The following EIF3H variants were observed in gnomAD, a reference collection of about 807,000 sequenced individuals.
The protein encoded by EIF3H is eIF-3-gamma.
In EIF3H, 26 loss-of-function variants were observed where a neutral mutation model predicts 44.2. The ratio of observed to expected loss-of-function variants is 0.59; its 90% CI spans 0.43 to 0.82. The LOEUF (loss-of-function observed/expected upper bound fraction) is 0.82. EIF3H is among the 40% of genes least tolerant of loss of function. The probability of loss-of-function intolerance (pLI) is 0.00; values close to 1 mark genes in which losing one functional copy is unlikely to be tolerated. For missense variants in EIF3H, 359 were observed against 432.8 expected (o/e 0.83, Z 1.51); for synonymous variants, 166 against 151.9 (o/e 1.09, Z -0.68).
At chr8:116,694,967 T>A (rs1417612310) in intron 2 of EIF3H, among the ~76,000 whole-genome samples, 1 of 152,104 alleles carries the variant, frequency 6.6e-6, no homozygotes, top group East Asian at 1.9e-4. Flanking sequence ...TTCCTCTGTT[T>A]ATCCCATGGT....
At chr8:116,699,444 A>G (rs1388280734) in intron 2 of EIF3H, among the ~76,000 whole-genome samples, 1 of 152,204 alleles carries the variant, frequency 6.6e-6, no homozygotes, top group Non-Finnish European at 1.5e-5. Flanking sequence ...AAATTAACCT[A>G]GGGACAGAAA....
At chr8:116,674,179 C>T (rs1813806656) in intron 2 of EIF3H, among the ~76,000 whole-genome samples, 1 of 146,878 alleles carries the variant, frequency 6.8e-6, no homozygotes, top group Non-Finnish European at 1.5e-5. Flanking sequence ...AAGTATAATA[C>T]ATTATTTCAT....
chr8:116,657,463 C>T, intron 3 of EIF3H, 149 bp from the exon 4 acceptor site: 1 of 626,854 alleles, frequency 1.6e-6, no homozygotes, highest in South Asian at 2.0e-5. Context: ...TTGAAGCAGA[C>T]TCAAAGCACT....
chr8:116,654,617 C>G (rs1463676611), intron 5 of EIF3H, among the ~76,000 whole-genome samples: 4 of 152,114 alleles, frequency 2.6e-5, no homozygotes, highest in Admixed American at 1.3e-4. Flanking sequence ...CTAAAACAGA[C>G]AAATTAAAGG....
rs144906654 is a variant in EIF3H, at chr8:116,730,600, C to A, written c.133-4428G>T. The stretch of plus-strand genomic sequence containing the variant: ...ACTTCTGCTATTCTACATAGATAAC[C>A]AAGAATTTGCCATGTATATATATTT... On this transcript the variant is annotated intron_variant, in intron 1 of 7. Transcript: ENST00000521861. Among the ~76,000 whole-genome samples, 899 of 152,196 alleles carry A rather than the reference C, an allele frequency of 5.9e-3. 6 individuals are homozygous for A. The highest frequency in any genetic ancestry group is 0.02 in the African/African-American group (826 of 41,508).
chr8:116,716,596 C>A (rs1814662119), intron 2 of EIF3H, among the ~76,000 whole-genome samples: 1 of 151,908 alleles, frequency 6.6e-6, no homozygotes, highest in Non-Finnish European at 1.5e-5. Context: ...AGAGGGAGAA[C>A]AATAAGACAT....
At chr8:116,739,683 G>A (rs1815099638) in intron 1 of EIF3H, among the ~76,000 whole-genome samples, 1 of 152,078 alleles carries the variant, frequency 6.6e-6, no homozygotes, top group Non-Finnish European at 1.5e-5. Context: ...TAAATATGTG[G>A]GTAAATCTCT....
upstream of EIF3H, chr8:116,766,351 C>G (rs928396139): frequency 7.1e-6 from 3 of 420,842 alleles, no homozygotes; most frequent in Admixed American, 1.3e-4. Flanking sequence ...ATCGCGCACC[C>G]CAGCGGTTTT....
chr8:116,761,200 G>A (rs1245494866), intron 1 of EIF3H, among the ~76,000 whole-genome samples: 1 of 152,154 alleles, frequency 6.6e-6, no homozygotes, highest in Non-Finnish European at 1.5e-5. Context: ...AAATGCCAAT[G>A]GAGAGCACTA....
At chr8:116,758,293 T>C (rs1037668777), upstream of EIF3H, among the ~76,000 whole-genome samples, 1 of 151,978 alleles carries the variant, frequency 6.6e-6, no homozygotes, top group Non-Finnish European at 1.5e-5. Flanking sequence ...GATAAAATGA[T>C]CAATCACAAA....
At chr8:116,672,060 C>G (rs1206289041) in intron 2 of EIF3H, among the ~76,000 whole-genome samples, 1 of 152,044 alleles carries the variant, frequency 6.6e-6, no homozygotes, top group African/African-American at 2.4e-5. Flanking sequence ...ATGTTTATTA[C>G]AATGGTATGG....
At chr8:116,711,244 T>TA (rs1352846378) in intron 2 of EIF3H, among the ~76,000 whole-genome samples, 1 of 152,186 alleles carries the variant, frequency 6.6e-6, no homozygotes, top group Non-Finnish European at 1.5e-5. Context: ...AGATATGGCT[T>TA]ACAATGATCT....
rs1382691182 is a variant in EIF3H, at chr8:116,654,390, T to G, written c.707+1466A>C. ...ATGTTAAAGCACCATCAGGGATGTA[T>G]TTCTTTTGTATGCTCAATAAAGGCA... On this transcript the variant is annotated intron_variant, in intron 5 of 7. Coordinates refer to ENST00000521861, the MANE Select transcript of EIF3H (RefSeq NM_003756.3). 5.9e-5 allele frequency among the ~76,000 whole-genome samples: 9 copies of G among 152,342 alleles called. No individual in the cohort carries two copies. In the East Asian group the frequency reaches 1.5e-3, roughly 26 times the overall value.
intron 1 of EIF3H, among the ~76,000 whole-genome samples, chr8:116,760,848 G>A (rs1815512770): frequency 6.6e-6 from 1 of 152,120 alleles, no homozygotes; most frequent in African/African-American, 2.4e-5. Context: ...TCAACATTTT[G>A]TTAAATATAA....
intron 2 of EIF3H, among the ~76,000 whole-genome samples, chr8:116,674,520 T>C (rs1054818048): frequency 6.6e-6 from 1 of 152,174 alleles, no homozygotes; most frequent in African/African-American, 2.4e-5. Context: ...GTCTCTTCCC[T>C]TGAATCAGGG....
At chr8:116,657,936 G>A (rs949867149) in intron 3 of EIF3H, among the ~76,000 whole-genome samples, 8 of 152,344 alleles carry the variant, frequency 5.3e-5, no homozygotes, top group African/African-American at 1.4e-4. Context: ...GCTCTGGCAT[G>A]CCAATATTCG....
In EIF3H at chr8:116,666,971, G is replaced by A. The variant is rs201824516; in HGVS notation, c.290-7991C>T. On this transcript the variant is annotated intron_variant, in intron 2 of 7. Transcript: ENST00000521861. ...AGTATAAGTGTGTGTGCATACACCTGTGTGCATGTGTACACGCTCTGCCCC... is the reference window on the plus strand; with the variant it reads ...AGTATAAGTGTGTGTGCATACACCTATGTGCATGTGTACACGCTCTGCCCC... 1.1e-3 allele frequency among the ~76,000 whole-genome samples: 167 copies of A among 152,306 alleles called. 1 individual carries two copies. The highest frequency in any genetic ancestry group is 6.8e-3 in the Middle Eastern group (2 of 294).
At chr8:116,762,268 CT>C (rs901972497) in intron 1 of EIF3H, among the ~76,000 whole-genome samples, 8 of 152,068 alleles carry the variant, frequency 5.3e-5, no homozygotes, top group African/African-American at 1.7e-4. Context: ...CTTATGATAA[CT>C]TTTTTTTAAA....
chr8:116,668,117 A>G (rs1266263011), intron 2 of EIF3H, among the ~76,000 whole-genome samples: 3 of 152,244 alleles, frequency 2.0e-5, no homozygotes, highest in African/African-American at 7.2e-5. Flanking sequence ...CACTCGGGTT[A>G]TAATAGTCAA....
Sources: gnomAD v4.1 joint callset for allele counts (sites outside exome capture counted in the v4.1 genomes callset) on GRCh38, gnomAD v4.1.1 for gene constraint, MANE v1.5 for transcripts, NCBI Gene and HGNC (gene_info 2026-07-23, HGNC 2026-07-21) for gene names.